Variants in AFF3 observed in about 807,000 individuals in gnomAD.
AFF3 encodes ALF transcription elongation factor 3, also known as AF4/FMR2 family member 3.
In AFF3, 32 loss-of-function variants were observed where a neutral mutation model predicts 129.7. The observed-to-expected ratio is 0.25, with a 90% CI of 0.19 to 0.33. The LOEUF (loss-of-function observed/expected upper bound fraction) is 0.33. Among genes scored for constraint, AFF3 ranks in the 10% least tolerant of loss-of-function variants. The pLI is 1.00. For missense variants in AFF3, 1,373 were observed against 1,592.0 expected, an observed-to-expected ratio of 0.86 and a Z score of 2.34; for synonymous variants, 644 against 635.4, an observed-to-expected ratio of 1.01 and a Z score of -0.20.
At position 99,807,638 on chromosome 2, in the gene AFF3, C is replaced by A. The variant is rs370895675; in HGVS notation, c.921+29839G>T. 2.9e-4 allele frequency among the ~76,000 whole-genome samples: 44 copies of A among 152,296 alleles called. 1 individual carries two copies. The highest frequency in any genetic ancestry group is 1.7e-3 in the South Asian group (8 of 4,822). On this transcript the variant is annotated intron_variant, in intron 8 of 24. Transcript: ENST00000672756. ...TGCCTTGACATCTGGTAAAATAAGG[C>A]AGGCCTCAATTGGCCTAACTGCAAG...
chr2:100,002,982 T>A (rs935923723), intron 7 of AFF3, among the ~76,000 whole-genome samples: 76 of 152,092 alleles, frequency 5.0e-4, no homozygotes, highest in African/African-American at 1.8e-3. Context: ...CTAATGTAAC[T>A]TTTTTCAAAT....
At chr2:99,857,214 G>A (rs1339569374) in intron 7 of AFF3, among the ~76,000 whole-genome samples, 3 of 152,174 alleles carry the variant, frequency 2.0e-5, no homozygotes, top group African/African-American at 7.2e-5. Flanking sequence ...GTATCTGTTT[G>A]AGAGCTCATT....
chr2:99,998,125 C>A (rs1681026189), intron 7 of AFF3, among the ~76,000 whole-genome samples: 1 of 152,180 alleles, frequency 6.6e-6, no homozygotes, highest in Non-Finnish European at 1.5e-5. Flanking sequence ...GGTGGCATGA[C>A]CCTGTGTGAG....
chr2:99,837,804 G>A (rs535060728), intron 7 of AFF3, among the ~76,000 whole-genome samples: 1 of 152,046 alleles, frequency 6.6e-6, no homozygotes, highest in South Asian at 2.1e-4. Context: ...TGGGCTCCTA[G>A]GGGTACAGAA....
Position 100,019,721 on chromosome 2 carries a change from T to C in AFF3, c.54-10789A>G, listed in dbSNP as rs79274187. Among the ~76,000 whole-genome samples, 6 of 152,244 alleles carry C rather than the reference T, an allele frequency of 3.9e-5. No homozygotes were observed. In the East Asian group the frequency reaches 1.2e-3, roughly 29 times the overall value. ...GGTCACCACAAAAGCAGAATCGGGA[T>C]GTGAGGTCAGGGGCTCGGTTCCGCA... is the stretch of plus-strand genomic sequence containing the variant. On this transcript the variant is annotated intron_variant, in intron 4 of 24. Coordinates refer to ENST00000672756, the MANE Select transcript of AFF3 (RefSeq NM_001386135.1).
intron 11 of AFF3, among the ~76,000 whole-genome samples, chr2:99,676,698 A>G (rs1673955588): frequency 6.6e-6 from 1 of 152,348 alleles, no homozygotes; most frequent in East Asian, 1.9e-4. Flanking sequence ...GATGCCTTAA[A>G]ACAGGGCCAT....
intron 7 of AFF3, among the ~76,000 whole-genome samples, chr2:99,879,317 C>G (rs182840922): frequency 6.6e-6 from 1 of 152,204 alleles, no homozygotes; most frequent in African/African-American, 2.4e-5. Context: ...GTATCACATC[C>G]ATCTTCCAGC....
At chr2:99,894,303 T>G (rs1693775500) in intron 7 of AFF3, among the ~76,000 whole-genome samples, 1 of 150,614 alleles carries the variant, frequency 6.6e-6, no homozygotes, top group Admixed American at 6.6e-5. Flanking sequence ...CACAAGGTAA[T>G]ACTAAATATG....
intron 13 of AFF3, among the ~76,000 whole-genome samples, chr2:99,617,349 T>C (rs761989764): frequency 5.3e-5 from 8 of 152,236 alleles, no homozygotes; most frequent in Non-Finnish European, 1.2e-4. Context: ...CTGCCCATCA[T>C]AGTGGGCGTG....
intron 12 of AFF3, among the ~76,000 whole-genome samples, chr2:99,662,225 C>T (rs997230855): frequency 6.6e-6 from 1 of 151,874 alleles, no homozygotes; most frequent in Non-Finnish European, 1.5e-5. Flanking sequence ...TTGAGTTTCA[C>T]TGATTATGAT....
chr2:99,576,348 CA>C (rs59639748), intron 18 of AFF3, among the ~76,000 whole-genome samples: 11,898 of 103,268 alleles, frequency 0.12, 922 homozygotes, highest in African/African-American at 0.26. Context: ...GCTTTTTCTA[CA>C]AAAAAAAAAA....
At chr2:99,788,257 G>A (rs1308317419) in intron 8 of AFF3, among the ~76,000 whole-genome samples, 2 of 152,096 alleles carry the variant, frequency 1.3e-5, no homozygotes, top group Admixed American at 1.3e-4. Flanking sequence ...AAAGTTAACT[G>A]TAAAACAGCT....
At chr2:99,678,901 C>T (rs1674266025) in intron 11 of AFF3, among the ~76,000 whole-genome samples, 1 of 152,198 alleles carries the variant, frequency 6.6e-6, no homozygotes, top group Non-Finnish European at 1.5e-5. Context: ...TTGTCAGGGT[C>T]AGTGCTACCA....
chr2:99,647,112 G>C (rs1684764668), intron 13 of AFF3, among the ~76,000 whole-genome samples: 1 of 152,110 alleles, frequency 6.6e-6, no homozygotes, highest in Non-Finnish European at 1.5e-5. Context: ...AAGACCTAGA[G>C]GCAGAAATAC....
At chr2:100,111,926 G>A (rs940932275) in intron 2 of AFF3, among the ~76,000 whole-genome samples, 1 of 152,156 alleles carries the variant, frequency 6.6e-6, no homozygotes, top group Non-Finnish European at 1.5e-5. Flanking sequence ...TGGGGAGTGC[G>A]CTCTCTGAAG....
intron 7 of AFF3, among the ~76,000 whole-genome samples, chr2:99,847,395 C>G (rs1689811127): frequency 6.6e-6 from 1 of 151,902 alleles, no homozygotes. Context: ...AGGCTGGTCT[C>G]GAACTCCTGA....
At chr2:99,921,748 G>C (rs768529219) in intron 7 of AFF3, among the ~76,000 whole-genome samples, 1 of 151,908 alleles carries the variant, frequency 6.6e-6, no homozygotes, top group Non-Finnish European at 1.5e-5. Context: ...GTTCATCAAA[G>C]AGTACCATCA....
rs1158060712 is a variant in AFF3 at position 99,641,882 on chromosome 2, G to A, written c.1184+7744C>T. ...TCTATGACTACTTATGTGTATGCCAGCGTTGTGGTATACTCAGTATTTATG... is the reference window on the plus strand; with the variant it reads ...TCTATGACTACTTATGTGTATGCCAACGTTGTGGTATACTCAGTATTTATG... On this transcript the variant is annotated intron_variant, in intron 13 of 24. Coordinates refer to ENST00000672756, the MANE Select transcript of AFF3 (RefSeq NM_001386135.1). Among the ~76,000 whole-genome samples, 8 of 152,068 alleles carry A rather than the reference G, an allele frequency of 5.3e-5. No homozygotes were observed. In the East Asian group the frequency reaches 1.5e-3, roughly 29 times the overall value.
chr2:99,594,703 A>T (rs1295217503), intron 14 of AFF3, among the ~76,000 whole-genome samples: 1 of 152,162 alleles, frequency 6.6e-6, no homozygotes, highest in Non-Finnish European at 1.5e-5. Context: ...TTTTGGTGAG[A>T]CTTAAAACTT....
Sources: gnomAD v4.1 joint callset for allele counts (sites outside exome capture counted in the v4.1 genomes callset) on GRCh38, gnomAD v4.1.1 for gene constraint, MANE v1.5 for transcripts, NCBI Gene and HGNC (gene_info 2026-07-23, HGNC 2026-07-21) for gene names.